Variants in IQCM observed in about 807,000 individuals in gnomAD.
The protein encoded by IQCM is IQ domain-containing protein M.
In IQCM, 45 loss-of-function variants were observed where a neutral mutation model predicts 57.6. That is an observed-to-expected ratio of 0.78 (90% confidence interval 0.62 to 1.00). The LOEUF is 1.00. Among genes scored for constraint, IQCM ranks in the 50% least tolerant of loss-of-function variants. IQCM has a pLI of 0.00. For synonymous variants in IQCM, 148 were observed against 158.9 expected (o/e 0.93, Z 0.51); for missense variants, 468 against 511.6 (o/e 0.91, Z 0.82).
intron 7 of IQCM, among the ~76,000 whole-genome samples, chr4:149,664,686 C>T (rs114685461): frequency 1.1e-3 from 175 of 152,230 alleles, no homozygotes; most frequent in African/African-American, 3.9e-3. Flanking sequence ...TTACTCATAA[C>T]GGATCAACAG....
intron 2 of IQCM, among the ~76,000 whole-genome samples, chr4:149,802,668 T>G (rs1014082543): frequency 2.0e-5 from 3 of 152,030 alleles, no homozygotes; most frequent in African/African-American, 7.2e-5. Context: ...TACCTCAGCT[T>G]CTTTCTTTTA....
intron 12 of IQCM, among the ~76,000 whole-genome samples, chr4:149,456,946 T>G (rs1250714876): frequency 6.6e-6 from 1 of 152,090 alleles, no homozygotes; most frequent in Admixed American, 6.6e-5. Context: ...TTGCCACACA[T>G]GAGATTGCAT....
At chr4:149,802,295 A>G (rs1773673949) in intron 2 of IQCM, among the ~76,000 whole-genome samples, 1 of 151,908 alleles carries the variant, frequency 6.6e-6, no homozygotes, top group Non-Finnish European at 1.5e-5. Flanking sequence ...GGCCAACAGA[A>G]GCATTTAAAA....
chr4:149,554,396 C>A (rs1054003109), intron 10 of IQCM, among the ~76,000 whole-genome samples: 13 of 151,698 alleles, frequency 8.6e-5, no homozygotes, highest in African/African-American at 2.7e-4. Flanking sequence ...GGCTGGAGTG[C>A]ACCTCTGCCT....
chr4:149,412,464 A>G (rs1257839053), intron 13 of IQCM, among the ~76,000 whole-genome samples: 3 of 152,084 alleles, frequency 2.0e-5, no homozygotes, highest in African/African-American at 7.2e-5. Flanking sequence ...TTCAAACCAT[A>G]TATTTGTTTG....
chr4:149,743,423 A>T (rs918680308), intron 2 of IQCM, among the ~76,000 whole-genome samples: 11 of 152,230 alleles, frequency 7.2e-5, no homozygotes, highest in Admixed American at 6.5e-4. Flanking sequence ...TGTCTGTGTA[A>T]GGGGCTAAAA....
chr4:149,704,769 A>G (rs1392013325), intron 5 of IQCM, among the ~76,000 whole-genome samples: 2 of 151,872 alleles, frequency 1.3e-5, no homozygotes, highest in Non-Finnish European at 2.9e-5. Context: ...GTCTGTGAGG[A>G]TGTTTCCAGA....
chr4:149,602,876 T>G (rs1193305845), intron 8 of IQCM, among the ~76,000 whole-genome samples: 3 of 151,954 alleles, frequency 2.0e-5, no homozygotes, highest in African/African-American at 7.2e-5. Flanking sequence ...ATCCAAAAAA[T>G]TCAAAACCAA....
intron 13 of IQCM, among the ~76,000 whole-genome samples, chr4:149,362,472 T>C (rs1306611845): frequency 1.3e-5 from 2 of 152,118 alleles, no homozygotes; most frequent in Admixed American, 6.5e-5. Context: ...AATTGAATCA[T>C]AGGGGCCAGT....
chr4:149,649,970 C>G (rs1004817465), intron 7 of IQCM, among the ~76,000 whole-genome samples: 1 of 152,066 alleles, frequency 6.6e-6, no homozygotes, highest in Non-Finnish European at 1.5e-5. Flanking sequence ...GTTTCACAAG[C>G]CTTGCTTATC....
At chr4:149,399,162 C>T (rs1009032444) in intron 13 of IQCM, among the ~76,000 whole-genome samples, 2 of 152,030 alleles carry the variant, frequency 1.3e-5, no homozygotes, top group Non-Finnish European at 2.9e-5. Flanking sequence ...CATAAATATT[C>T]TCAAGGCTCT....
chr4:149,481,707 T>TTTTTTTTTTTTTTG (rs1740874550), intron 12 of IQCM, among the ~76,000 whole-genome samples: 3 of 136,452 alleles, frequency 2.2e-5, no homozygotes, highest in African/African-American at 2.7e-5. Flanking sequence ...TTTTGTTTTT[T>TTTTTTTTTTTTTTG]TTTTTTTTTT....
intron 7 of IQCM, among the ~76,000 whole-genome samples, chr4:149,644,488 C>A (rs545028036): frequency 1.3e-5 from 2 of 152,050 alleles, no homozygotes; most frequent in East Asian, 1.9e-4. Context: ...AAAACTGATT[C>A]CTGTTGTTGC....
chr4:149,551,152 C>A lies in IQCM; in HGVS notation c.1093+1991G>T, dbSNP rs149814660. Among the ~76,000 whole-genome samples the A allele has an allele frequency of 1.3e-3, 198 of 152,276 alleles. 1 individual carries two copies. The highest frequency in any genetic ancestry group is 4.6e-3 in the African/African-American group (190 of 41,560). ...ATTTCATTTTGCTCTGCTCCAGTCACAAACTTCATTCCAGTAATACTAGTC... is the reference window on the plus strand; with the variant it reads ...ATTTCATTTTGCTCTGCTCCAGTCAAAAACTTCATTCCAGTAATACTAGTC... On this transcript the variant is annotated intron_variant, in intron 11 of 13. Coordinates refer to ENST00000636793, the MANE Select transcript of IQCM (RefSeq NM_001363507.2).
chr4:149,594,935 G>A (rs1374895113), intron 8 of IQCM, among the ~76,000 whole-genome samples: 1 of 152,164 alleles, frequency 6.6e-6, no homozygotes, highest in Non-Finnish European at 1.5e-5. Flanking sequence ...ATATTCTGTT[G>A]ATTTGGGGTG....
rs556717857 is a variant in IQCM at position 149,813,395 on chromosome 4, T to C, written c.-49+1916A>G. Among the ~76,000 whole-genome samples, 4 of 152,018 alleles carry C rather than the reference T, an allele frequency of 2.6e-5. No individual in the cohort carries two copies. In the South Asian group the frequency reaches 8.3e-4, roughly 32 times the overall value. On this transcript the variant is annotated intron_variant, in intron 2 of 13. Transcript: ENST00000636793. Reference sequence around the variant, plus strand: ...ATGGGAAGAACAGGACAGGAGACAATGGCAATGAAATTTTTAAAGCTGAGA... The same window carrying C: ...ATGGGAAGAACAGGACAGGAGACAACGGCAATGAAATTTTTAAAGCTGAGA...
At chr4:149,462,871 T>C (rs759764796) in intron 12 of IQCM, among the ~76,000 whole-genome samples, 1 of 152,176 alleles carries the variant, frequency 6.6e-6, no homozygotes, top group African/African-American at 2.4e-5. Flanking sequence ...CAGGAGAACA[T>C]ACAAATCTGA....
At chr4:149,571,662 A>C (rs978906361) in intron 9 of IQCM, among the ~76,000 whole-genome samples, 1 of 152,132 alleles carries the variant, frequency 6.6e-6, no homozygotes, top group African/African-American at 2.4e-5. Flanking sequence ...AATAATAACT[A>C]TGTAAAGTAA....
intron 12 of IQCM, among the ~76,000 whole-genome samples, chr4:149,472,434 A>G (rs189474854): frequency 1.0e-3 from 153 of 152,348 alleles, no homozygotes; most frequent in Non-Finnish European, 1.9e-3. Context: ...GGACTTCTTC[A>G]AGGAGAACTA....
Sources: gnomAD v4.1 joint callset for allele counts (sites outside exome capture counted in the v4.1 genomes callset) on GRCh38, gnomAD v4.1.1 for gene constraint, MANE v1.5 for transcripts, NCBI Gene and HGNC (gene_info 2026-07-23, HGNC 2026-07-21) for gene names.